PUM2: variants seen among roughly 807,000 people sequenced by gnomAD.
PUM2 encodes pumilio RNA binding family member 2.
In PUM2, 57 loss-of-function variants were observed where a neutral mutation model predicts 124.5. That is an observed-to-expected ratio of 0.46 (90% CI 0.37 to 0.57). The LOEUF is 0.57. Ranked by LOEUF, PUM2 falls within the 20% of genes least tolerant of loss-of-function variation. PUM2 has a pLI of 0.00. For missense variants in PUM2, 1,065 were observed against 1,290.6 expected (o/e 0.83, Z 2.68); for synonymous variants, 460 against 446.1 (o/e 1.03, Z -0.39).
intron 1 of PUM2, among the ~76,000 whole-genome samples, chr2:20,349,876 G>C (rs1035482398): frequency 2.0e-5 from 3 of 152,202 alleles, no homozygotes; most frequent in African/African-American, 7.2e-5. Context: ...AAAAAGCTAA[G>C]TTAAGTAGGT....
intron 14 of PUM2, 49 bp from the exon 15 acceptor site, chr2:20,260,515 G>A: frequency 6.6e-7 from 1 of 1,508,220 alleles, no homozygotes; most frequent in Non-Finnish European, 9.1e-7. Context: ...TAATACACTT[G>A]AGTATTACAC....
At chr2:20,289,344 T>C (rs892268205) in intron 10 of PUM2, among the ~76,000 whole-genome samples, 3 of 152,156 alleles carry the variant, frequency 2.0e-5, no homozygotes, top group African/African-American at 2.4e-5. Flanking sequence ...GTTCTACATA[T>C]AGCTAAAACC....
chr2:20,303,004 C>T (rs1677364282), intron 7 of PUM2, among the ~76,000 whole-genome samples: 1 of 152,172 alleles, frequency 6.6e-6, no homozygotes, highest in African/African-American at 2.4e-5. Context: ...GCTGTGCATG[C>T]TGAGGACTTC....
intron 20 of PUM2, 75 bp downstream of exon 20, chr2:20,253,746 TG>T: frequency 7.6e-7 from 1 of 1,317,672 alleles, no homozygotes; most frequent in African/African-American, 1.5e-5. Context: ...CGGGAGGAAA[TG>T]AAAGCCCAAG....
chr2:20,251,412 CCCAAAT>C lies in PUM2; in HGVS notation c.*167_*172del. On this transcript the variant is annotated 3_prime_UTR_variant, in exon 21 of 21. Transcript: ENST00000361078. The stretch of plus-strand genomic sequence containing the variant: ...ATAATTTATAATTCATCCCCCACCC[CCCAAAT>C]ATACACAAGAACCTTAAAAAATTTA... The C allele has an allele frequency of 1.3e-6, 1 of 749,388 alleles. No individual in the cohort carries two copies. The highest frequency in any genetic ancestry group is 2.0e-6 in the Non-Finnish European group (1 of 495,444). The allele number at this position is 749,388 out of a possible 1,614,324, so 46.4% of individuals were successfully genotyped here.
At chr2:20,286,391 C>T (rs576329108) in intron 10 of PUM2, among the ~76,000 whole-genome samples, 3 of 152,204 alleles carry the variant, frequency 2.0e-5, no homozygotes, top group African/African-American at 7.2e-5. Flanking sequence ...ATTTTTTGGC[C>T]TAAGAATTAT....
In PUM2 at chr2:20,327,328, T is replaced by G; in HGVS notation, c.33A>C (p.Glu11Asp). 6.3e-7 allele frequency: 1 copy of G among 1,577,664 alleles called. No homozygotes were observed. The highest frequency in any genetic ancestry group is 8.7e-7 in the Non-Finnish European group (1 of 1,148,204). ...CATTTACCTCTCCCATTCCCCGAGA[T>G]TCTAATGCAAGAGCTTGAAAATCAT... MNHDFQALALESRGMGELLPT... is the reference protein window; with the variant it reads MNHDFQALALDSRGMGELLPT... The change falls in exon 2 of 21, where the codon GAA (glutamate) becomes GAC (aspartate). Residue 11 changes from glutamate (E) to aspartate (D), a missense_variant. Physicochemically the swap from Glu to Asp is conservative, Grantham distance 45 (BLOSUM62 2). Transcript: ENST00000361078.
chr2:20,276,885 T>C (rs1391677304), intron 13 of PUM2, among the ~76,000 whole-genome samples: 1 of 152,082 alleles, frequency 6.6e-6, no homozygotes, highest in African/African-American at 2.4e-5. Context: ...TGTTAGTCTA[T>C]AATGCAGAAT....
chr2:20,321,397 T>C (rs900685800), intron 2 of PUM2, among the ~76,000 whole-genome samples: 1 of 152,218 alleles, frequency 6.6e-6, no homozygotes, highest in African/African-American at 2.4e-5. Context: ...GGCCAAGCAC[T>C]ATACTATGAG....
intron 5 of PUM2, among the ~76,000 whole-genome samples, chr2:20,311,025 T>G (rs1337485104): frequency 6.6e-6 from 1 of 152,082 alleles, no homozygotes; most frequent in Admixed American, 6.5e-5. Context: ...CAAACTCATA[T>G]ATTTTAAGAA....
At position 20,278,681 on chromosome 2, in the gene PUM2, C is replaced by T; in HGVS notation, c.1859G>A (p.Ser620Asn). 6.2e-7 allele frequency: 1 copy of T among 1,613,364 alleles called. No homozygotes were observed. Among genetic ancestry groups the T allele is most frequent in the Non-Finnish European group, 8.5e-7 (1 of 1,179,686 alleles). ...YNSLGFSSSP[S>N]PIGMPLPSQT... is the part of the protein sequence containing the mutation. ...GCTTGGCAGAGGCATGCCTATTGGA[C>T]TTGGAGAGGAGGAAAATCCCAGACT... is the stretch of plus-strand genomic sequence containing the variant. Residue 620 changes from serine (S) to asparagine (N), a missense_variant, in exon 13 of 21, where the codon AGT becomes AAT. Ser to Asn is a conservative substitution (Grantham distance 46). Coordinates refer to ENST00000361078, the MANE Select transcript of PUM2 (RefSeq NM_015317.5).
intron 1 of PUM2, among the ~76,000 whole-genome samples, chr2:20,341,867 C>T (rs1199046937): frequency 9.2e-5 from 14 of 152,128 alleles, no homozygotes; most frequent in African/African-American, 2.9e-4. Context: ...TGGTTGCTCA[C>T]GCCTGTAATC....
intron 13 of PUM2, among the ~76,000 whole-genome samples, chr2:20,268,405 A>C (rs550837320): frequency 6.6e-6 from 1 of 152,288 alleles, no homozygotes; most frequent in African/African-American, 2.4e-5. Flanking sequence ...TGAGGTTAAG[A>C]GTTCAAGACC....
intron 7 of PUM2, among the ~76,000 whole-genome samples, chr2:20,303,248 T>G (rs974268316): frequency 7.9e-5 from 12 of 152,160 alleles, no homozygotes; most frequent in African/African-American, 2.4e-4. Flanking sequence ...GGAAACAATA[T>G]GGTTGAGCAA....
chr2:20,272,191 A>AATGAATGAATG (rs1558517148), intron 13 of PUM2, among the ~76,000 whole-genome samples: 2 of 94,984 alleles, frequency 2.1e-5, no homozygotes, highest in African/African-American at 4.4e-5. Flanking sequence ...ATGAATGAAT[A>AATGAATGAATG]AATAAATAAA....
intron 1 of PUM2, among the ~76,000 whole-genome samples, chr2:20,339,042 A>G (rs934323643): frequency 6.6e-6 from 1 of 152,200 alleles, no homozygotes; most frequent in African/African-American, 2.4e-5. Context: ...GGCTTTATAT[A>G]TGGAAGGATC....
intron 3 of PUM2, among the ~76,000 whole-genome samples, chr2:20,316,041 T>TG (rs1680860563): frequency 6.6e-6 from 1 of 152,090 alleles, no homozygotes; most frequent in Non-Finnish European, 1.5e-5. Context: ...ATATTTAAAA[T>TG]TATGAGTCTA....
At position 20,318,537 on chromosome 2, in the gene PUM2, G is replaced by C. The variant is rs749769709; in HGVS notation, c.160C>G (p.His54Asp). ...TCTCACACATATACCAGTAACTTAC[G>C]AGAAGCTCCCCATGCAGTCTCTCTC... ...EWRETAWGAS[H>D]HSMSQPIMVQ... Residue 54 changes from histidine (H) to aspartate (D), a missense_variant and splice_region_variant, in exon 3 of 21, where the codon CAC (histidine) becomes GAC (aspartate). By Grantham distance (81) the His-to-Asp change is moderately conservative. Around this residue, in one of 3 missense-constraint regions of PUM2, gnomAD observed 90 missense variants for 103.6 expected, o/e 0.87. Coordinates refer to ENST00000361078, the MANE Select transcript of PUM2 (RefSeq NM_015317.5). 6.2e-7 allele frequency: 1 copy of C among 1,603,750 alleles called. No individual in the cohort carries two copies. The highest frequency in any genetic ancestry group is 2.2e-5 in the East Asian group (1 of 44,786).
At position 20,251,495 on chromosome 2, in the gene PUM2, G is replaced by A; in HGVS notation, c.*90C>T. 6 of 1,380,116 alleles carry A rather than the reference G, an allele frequency of 4.3e-6. No individual in the cohort carries two copies. The highest frequency in any genetic ancestry group is 2.4e-5 in the Admixed American group (1 of 41,480). The allele number at this position is 1,380,116 out of a possible 1,614,324, so 85.5% of individuals were successfully genotyped here. On this transcript the variant is annotated 3_prime_UTR_variant, in exon 21 of 21. Transcript: ENST00000361078. ...AGTTTTGCTTTAAAAAAAAATTGAAGATTCATAGTTGAGTTGTGTTTTGAT... is the reference window on the plus strand; with the variant it reads ...AGTTTTGCTTTAAAAAAAAATTGAAAATTCATAGTTGAGTTGTGTTTTGAT...
Sources: gnomAD v4.1 joint callset for allele counts (sites outside exome capture counted in the v4.1 genomes callset) on GRCh38, gnomAD v4.1.1 for gene constraint, gnomAD v4.1.1 regional missense constraint, MANE v1.5 for transcripts, NCBI Gene and HGNC (gene_info 2026-07-23, HGNC 2026-07-21) for gene names.